Variants in NBEA observed in about 807,000 individuals in gnomAD.
NBEA encodes lysosomal-trafficking regulator 2.
In NBEA, 44 loss-of-function variants were observed where a neutral mutation model predicts 343.4. The observed-to-expected ratio is 0.13, with a 90% confidence interval of 0.10 to 0.16. The LOEUF (loss-of-function observed/expected upper bound fraction) is 0.16, where lower values mean the gene tolerates loss of function less well. Ranked by LOEUF, NBEA falls within the 10% of genes least tolerant of loss-of-function variation. The pLI is 1.00. For synonymous variants in NBEA, 1,175 were observed against 1,238.7 expected, an observed-to-expected ratio of 0.95 and a Z score of 1.08; for missense variants, 2,555 against 3,631.3, an observed-to-expected ratio of 0.70 and a Z score of 7.62.
At position 35,159,804 on chromosome 13, in the gene NBEA, T is replaced by C; in HGVS notation, c.3633T>C (p.His1211=). 6.2e-7 allele frequency: 1 copy of C among 1,611,594 alleles called. No individual in the cohort carries two copies. The highest frequency in any genetic ancestry group is 8.5e-7 in the Non-Finnish European group (1 of 1,178,832). The change falls in exon 22 of 59, where the codon CAT becomes CAC. Residue 1211 remains histidine (H), a synonymous_variant. Coordinates refer to ENST00000379939, the MANE Select transcript of NBEA (RefSeq NM_001385012.1). ...TAGAAGAAAAAGAATTCAAAATCCA[T>C]ACAACTTCAGATGGAATGAGCAGTA... The part of the protein sequence containing the change: ...SIIEEKEFKI[H]TTSDGMSSIS...
intron 48 of NBEA, among the ~76,000 whole-genome samples, chr13:35,611,618 TATCTCC>T (rs2082527735): frequency 6.6e-6 from 1 of 152,214 alleles, no homozygotes; most frequent in South Asian, 2.1e-4. Context: ...ATCAACTTTT[TATCTCC>T]AAAGGTTTGC....
At position 35,446,032 on chromosome 13, in the gene NBEA, G is replaced by T. The variant is rs563006696; in HGVS notation, c.6305-6060G>T. ...CTTCCTGTGTCCAAGTGTTCTCATT[G>T]TTCAATTCCCACCTATGAGTGAGAA... On this transcript the variant is annotated intron_variant, in intron 39 of 58. Transcript: ENST00000379939. 3.4e-5 allele frequency among the ~76,000 whole-genome samples: 5 copies of T among 148,676 alleles called. No individual in the cohort carries two copies. The East Asian group carries it at 8.0e-4, about 24-fold the overall frequency.
intron 33 of NBEA, among the ~76,000 whole-genome samples, chr13:35,217,781 G>C (rs1008279517): frequency 6.6e-6 from 1 of 152,042 alleles, no homozygotes; most frequent in African/African-American, 2.4e-5. Flanking sequence ...TTTCTGGCTG[G>C]AGGGAATACA....
At chr13:35,550,735 T>TA (rs1566306681) in intron 42 of NBEA, 141 bp downstream of exon 42, 5 of 687,836 alleles carry the variant, frequency 7.3e-6, no homozygotes, top group Admixed American at 3.1e-5. Flanking sequence ...TTTTAAAAAA[T>TA]AAAAAAAGAA....
intron 41 of NBEA, among the ~76,000 whole-genome samples, chr13:35,505,000 A>G (rs1461696732): frequency 2.0e-5 from 3 of 152,168 alleles, no homozygotes; most frequent in African/African-American, 7.2e-5. Context: ...TTTGTATCTC[A>G]GTAAATTACT....
At chr13:35,547,756 G>T (rs1306774640) in intron 41 of NBEA, among the ~76,000 whole-genome samples, 1 of 152,062 alleles carries the variant, frequency 6.6e-6, no homozygotes, top group African/African-American at 2.4e-5. Context: ...GATGGTAATG[G>T]CACGCATCTG....
At chr13:35,633,260 G>A (rs1442456999) in intron 49 of NBEA, among the ~76,000 whole-genome samples, 4 of 151,038 alleles carry the variant, frequency 2.6e-5, no homozygotes, top group Admixed American at 6.6e-5. Flanking sequence ...CTGCTGCCAC[G>A]CCCGGCTAAT....
intron 52 of NBEA, among the ~76,000 whole-genome samples, chr13:35,650,667 A>C (rs1205189547): frequency 6.6e-6 from 1 of 152,118 alleles, no homozygotes; most frequent in Non-Finnish European, 1.5e-5. Context: ...GCGCCACTGC[A>C]CTCCAGCCTG....
intron 49 of NBEA, among the ~76,000 whole-genome samples, chr13:35,634,217 C>G (rs193281473): frequency 0.011 from 1,598 of 152,156 alleles, 31 homozygotes; most frequent in African/African-American, 0.037. Flanking sequence ...GTGGCGGGCA[C>G]CTGTAGTCCC....
chr13:35,269,557 G>A (rs1016965875), intron 34 of NBEA, among the ~76,000 whole-genome samples: 1 of 152,204 alleles, frequency 6.6e-6, no homozygotes, highest in Non-Finnish European at 1.5e-5. Context: ...GTCATCGTTA[G>A]AATCTTTGAT....
intron 47 of NBEA, among the ~76,000 whole-genome samples, chr13:35,598,615 T>C (rs2081912965): frequency 6.6e-6 from 1 of 152,166 alleles, no homozygotes; most frequent in Non-Finnish European, 1.5e-5. Context: ...TCACAAATCC[T>C]TTTGGAACAG....
chr13:35,384,258 T>A (rs1049254282), intron 38 of NBEA, among the ~76,000 whole-genome samples: 1 of 152,226 alleles, frequency 6.6e-6, no homozygotes, highest in Non-Finnish European at 1.5e-5. Context: ...GAGTATTTAC[T>A]TATCCTAAGC....
rs541572696 is a variant in NBEA at position 34,987,622 on chromosome 13, T to C, written c.294+44508T>C. Among the ~76,000 whole-genome samples the C allele has an allele frequency of 2.6e-5, 4 of 151,056 alleles. No homozygotes were observed. The East Asian group carries it at 7.7e-4, about 29-fold the overall frequency. On this transcript the variant is annotated intron_variant, in intron 1 of 58. Coordinates refer to ENST00000379939, the MANE Select transcript of NBEA (RefSeq NM_001385012.1). Reference sequence around the variant, plus strand: ...TTGGTTCCATTATCCCCATCACTTTTAGGTACACCAATCAAACGTAGATTT... The same window carrying C: ...TTGGTTCCATTATCCCCATCACTTTCAGGTACACCAATCAAACGTAGATTT...
chr13:35,433,031 A>C (rs570664189), intron 39 of NBEA, among the ~76,000 whole-genome samples: 1 of 152,244 alleles, frequency 6.6e-6, no homozygotes, highest in South Asian at 2.1e-4. Flanking sequence ...CCAATGCACT[A>C]CAAATGAAGT....
At chr13:35,044,815 C>CATAT (rs71196573) in intron 2 of NBEA, 132 bp from the exon 3 acceptor site, 32 of 368,006 alleles carry the variant, frequency 8.7e-5, no homozygotes, top group Middle Eastern at 7.6e-4. Context: ...GTATTAGATA[C>CATAT]ATATATATAT....
At chr13:35,198,468 T>G (rs916772460) in intron 31 of NBEA, among the ~76,000 whole-genome samples, 7 of 152,166 alleles carry the variant, frequency 4.6e-5, no homozygotes, top group African/African-American at 1.7e-4. Flanking sequence ...AATGAGTTTT[T>G]TAATTAAAAC....
At chr13:35,297,325 G>A (rs1003798715) in intron 35 of NBEA, among the ~76,000 whole-genome samples, 5 of 151,932 alleles carry the variant, frequency 3.3e-5, no homozygotes, top group Non-Finnish European at 5.9e-5. Context: ...AAATCTAGAT[G>A]ATAAATATAG....
At chr13:35,505,249 T>C (rs922810011) in intron 41 of NBEA, among the ~76,000 whole-genome samples, 2 of 152,182 alleles carry the variant, frequency 1.3e-5, no homozygotes, top group Non-Finnish European at 1.5e-5. Flanking sequence ...TAGTTGACAA[T>C]AGACATATAG....
At chr13:34,949,025 A>G (rs942646052) in intron 1 of NBEA, among the ~76,000 whole-genome samples, 2 of 152,190 alleles carry the variant, frequency 1.3e-5, no homozygotes, top group African/African-American at 4.8e-5. Flanking sequence ...GGCAAGAGGA[A>G]AGCCAAGAGT....
Sources: allele counts gnomAD v4.1 joint callset (sites outside exome capture counted in the v4.1 genomes callset), GRCh38; gene constraint gnomAD v4.1.1; transcripts MANE v1.5; gene names NCBI Gene and HGNC (gene_info 2026-07-23, HGNC 2026-07-21).